The following SYT16 variants were observed in gnomAD, a reference collection of about 807,000 sequenced individuals.
SYT16 encodes synaptotagmin 16, also known as synaptotagmin-16.
In SYT16, 42 loss-of-function variants were observed where a neutral mutation model predicts 61.4. The ratio of observed to expected loss-of-function variants is 0.68; its 90% CI spans 0.53 to 0.89. SYT16 has a LOEUF of 0.89. SYT16 is among the 40% of genes least tolerant of loss of function. SYT16 has a pLI of 0.00. For missense variants in SYT16, 804 were observed against 807.3 expected (o/e 1.00, Z 0.05); for synonymous variants, 314 against 302.3 (o/e 1.04, Z -0.40).
intron 3 of SYT16, among the ~76,000 whole-genome samples, chr14:62,045,868 T>C (rs1258973663): frequency 6.6e-6 from 1 of 152,170 alleles, no homozygotes; most frequent in African/African-American, 2.4e-5. Flanking sequence ...GACATTTAGG[T>C]TGGTTCCAAG....
chr14:61,969,455 A>T (rs781416146), intron 1 of SYT16, among the ~76,000 whole-genome samples: 11 of 152,202 alleles, frequency 7.2e-5, no homozygotes, highest in Non-Finnish European at 1.6e-4. Flanking sequence ...TAAAGGGCAG[A>T]GTTTTTTGAT....
At chr14:61,884,811 G>A (rs568808640) in intron 1 of SYT16, among the ~76,000 whole-genome samples, 2 of 152,226 alleles carry the variant, frequency 1.3e-5, no homozygotes, top group South Asian at 4.2e-4. Context: ...TTGATTGGGG[G>A]ATGAAGTCAC....
intron 3 of SYT16, among the ~76,000 whole-genome samples, chr14:62,069,160 G>A (rs889426712): frequency 1.2e-4 from 19 of 152,204 alleles, no homozygotes; most frequent in Admixed American, 1.2e-3. Context: ...TTCCTTCTCC[G>A]AAGTGGGGAT....
chr14:61,911,860 A>G (rs2048948020), intron 1 of SYT16, among the ~76,000 whole-genome samples: 1 of 152,206 alleles, frequency 6.6e-6, no homozygotes, highest in South Asian at 2.1e-4. Context: ...AGGATGTTTG[A>G]TCTTTAAAAT....
chr14:61,999,354 A>T (rs1310891122), intron 3 of SYT16, among the ~76,000 whole-genome samples: 1 of 151,738 alleles, frequency 6.6e-6, no homozygotes, highest in Non-Finnish European at 1.5e-5. Flanking sequence ...TTTGGCACTG[A>T]GTTTTTCAAA....
intron 7 of SYT16, among the ~76,000 whole-genome samples, chr14:62,098,005 C>G (rs2057321298): frequency 6.6e-6 from 1 of 152,180 alleles, no homozygotes; most frequent in African/African-American, 2.4e-5. Context: ...GAAGAGAGCC[C>G]TGTTTCTGAG....
chr14:61,912,071 A>G (rs1293201086), intron 1 of SYT16, among the ~76,000 whole-genome samples: 1 of 152,216 alleles, frequency 6.6e-6, no homozygotes, highest in Non-Finnish European at 1.5e-5. Flanking sequence ...TATTTTCAAG[A>G]TGATTATGGG....
chr14:61,950,198 C>T (rs2050614174), intron 1 of SYT16, among the ~76,000 whole-genome samples: 1 of 152,146 alleles, frequency 6.6e-6, no homozygotes, highest in Non-Finnish European at 1.5e-5. Flanking sequence ...AGCCTCCAAC[C>T]TCTTTACATC....
intron 7 of SYT16, among the ~76,000 whole-genome samples, chr14:62,087,845 C>A (rs1433069042): frequency 1.3e-5 from 2 of 152,088 alleles, no homozygotes; most frequent in Non-Finnish European, 2.9e-5. Flanking sequence ...AGGTAAAATC[C>A]TTGGGCGAGA....
At chr14:61,911,217 G>T (rs749738102) in intron 1 of SYT16, among the ~76,000 whole-genome samples, 2 of 152,166 alleles carry the variant, frequency 1.3e-5, no homozygotes, top group Non-Finnish European at 2.9e-5. Context: ...GGTTGCAGAG[G>T]TTGAATTTTC....
chr14:61,868,136 T>C (rs1206066993), intron 1 of SYT16, among the ~76,000 whole-genome samples: 4 of 151,864 alleles, frequency 2.6e-5, no homozygotes, highest in African/African-American at 7.2e-5. Flanking sequence ...AAGTAGAGAG[T>C]AGAATAATAG....
intron 1 of SYT16, among the ~76,000 whole-genome samples, chr14:61,885,725 TG>T (rs763172334): frequency 5.1e-4 from 77 of 152,334 alleles, no homozygotes; most frequent in South Asian, 2.5e-3. Flanking sequence ...ATACATTTTT[TG>T]GTTTCTCAGT....
intron 1 of SYT16, chr14:61,865,014 C>A (rs1390605565): frequency 2.0e-5 from 28 of 1,413,704 alleles, no homozygotes; most frequent in African/African-American, 2.8e-5. Flanking sequence ...CTCTTTGATG[C>A]CCTGAGAGGG....
intron 1 of SYT16, among the ~76,000 whole-genome samples, chr14:61,896,637 G>A (rs1382037816): frequency 6.6e-6 from 1 of 152,108 alleles, no homozygotes; most frequent in Non-Finnish European, 1.5e-5. Flanking sequence ...AAGAAATAGA[G>A]GTTTTTGGAC....
chr14:61,897,481 T>C (rs1377477274), intron 1 of SYT16: 1 of 152,170 alleles, frequency 6.6e-6, no homozygotes, highest in Non-Finnish European at 1.5e-5. Flanking sequence ...GTTCTTAAAG[T>C]CTGCTGTTAT....
Position 61,920,290 on chromosome 14 carries a change from C to T in SYT16, c.-324-49842C>T, listed in dbSNP as rs1260478132. Among the ~76,000 whole-genome samples the T allele has an allele frequency of 2.0e-5, 3 of 152,088 alleles. No individual in the cohort carries two copies. The South Asian group carries it at 6.2e-4, about 32-fold the overall frequency. ...TTATTTTACTTTAAGTCTTGGGATA[C>T]ATGTGCAAAACATGCAGGTTTGTTA... On this transcript the variant is annotated intron_variant, in intron 1 of 7. Coordinates refer to ENST00000683842, the MANE Select transcript of SYT16 (RefSeq NM_001367656.1).
intron 3 of SYT16, among the ~76,000 whole-genome samples, chr14:62,032,152 T>C (rs2054332653): frequency 6.6e-6 from 1 of 151,968 alleles, no homozygotes; most frequent in South Asian, 2.1e-4. Context: ...GCATGTGACA[T>C]TGAAGGAAAC....
chr14:62,040,498 G>A (rs1347109031), intron 3 of SYT16, among the ~76,000 whole-genome samples: 1 of 152,142 alleles, frequency 6.6e-6, no homozygotes, highest in Admixed American at 6.5e-5. Context: ...TTGCAGGACT[G>A]ACATTAACAT....
At chr14:61,855,391 T>C (rs932764292) in intron 1 of SYT16, among the ~76,000 whole-genome samples, 17 of 152,238 alleles carry the variant, frequency 1.1e-4, no homozygotes, top group Non-Finnish European at 2.2e-4. Context: ...ATGTGTTTAA[T>C]ACACATAACC....
Sources: allele counts gnomAD v4.1 joint callset (sites outside exome capture counted in the v4.1 genomes callset), GRCh38; gene constraint gnomAD v4.1.1; transcripts MANE v1.5; gene names NCBI Gene and HGNC (gene_info 2026-07-23, HGNC 2026-07-21).